RIMS2: variants seen among roughly 807,000 people sequenced by gnomAD.
The protein encoded by RIMS2 is regulating synaptic membrane exocytosis protein 2.
A neutral mutation model predicts 174.4 loss-of-function variants in RIMS2; 59 were observed. The ratio of observed to expected loss-of-function variants is 0.34; its 90% CI spans 0.27 to 0.42. The LOEUF (loss-of-function observed/expected upper bound fraction) is 0.42. RIMS2 is among the 10% of genes least tolerant of loss of function. The pLI is 1.00. For synonymous variants in RIMS2, 606 were observed against 572.5 expected (o/e 1.06, Z -0.84); for missense variants, 1,620 against 1,666.3 (o/e 0.97, Z 0.48).
At chr8:103,549,323 C>G (rs1021402934) in intron 1 of RIMS2, among the ~76,000 whole-genome samples, 1 of 152,162 alleles carries the variant, frequency 6.6e-6, no homozygotes, top group Non-Finnish European at 1.5e-5. Context: ...ATTCAACAAT[C>G]TTAAAGAAAA....
At chr8:103,603,362 G>T (rs2094862191) in intron 1 of RIMS2, among the ~76,000 whole-genome samples, 1 of 151,322 alleles carries the variant, frequency 6.6e-6, no homozygotes, top group African/African-American at 2.4e-5. Flanking sequence ...ATTCCATGGT[G>T]TATATGTGCC....
chr8:103,586,311 A>C (rs2093918319), intron 1 of RIMS2, among the ~76,000 whole-genome samples: 1 of 152,236 alleles, frequency 6.6e-6, no homozygotes, highest in African/African-American at 2.4e-5. Context: ...TTTCATCAGC[A>C]TATGGATCAT....
chr8:103,944,896 A>C (rs557480565), intron 14 of RIMS2, among the ~76,000 whole-genome samples: 5 of 152,200 alleles, frequency 3.3e-5, no homozygotes, highest in African/African-American at 1.2e-4. Flanking sequence ...ACATTTATGA[A>C]TAGATAGAAA....
At chr8:104,017,661 T>C (rs80156451) in intron 19 of RIMS2, among the ~76,000 whole-genome samples, 3,807 of 152,296 alleles carry the variant, frequency 0.025, 137 homozygotes, top group African/African-American at 0.084. Context: ...ATATTACAAA[T>C]ATTTTAAAAG....
At chr8:104,071,234 A>G (rs150012097) in intron 19 of RIMS2, among the ~76,000 whole-genome samples, 11 of 152,214 alleles carry the variant, frequency 7.2e-5, no homozygotes, top group Non-Finnish European at 1.2e-4. Context: ...AAAGTTTTAT[A>G]TCTTTGACAG....
Position 103,595,528 on chromosome 8 carries a change from C to T in RIMS2, c.176+94466C>T, listed in dbSNP as rs891958575. Among the ~76,000 whole-genome samples the T allele has an allele frequency of 2.6e-5, 4 of 151,866 alleles. No homozygotes were observed. In the East Asian group the frequency reaches 7.7e-4, roughly 29 times the overall value. ...GAGTTAAGATTTAGAAAAGGATAGA[C>T]TTACTCTCAAATCTATGAAGTAAGA... On this transcript the variant is annotated intron_variant, in intron 1 of 23. Transcript: ENST00000504942.
intron 2 of RIMS2, among the ~76,000 whole-genome samples, chr8:103,765,579 T>A (rs1309553498): frequency 6.6e-6 from 1 of 152,088 alleles, no homozygotes; most frequent in Non-Finnish European, 1.5e-5. Flanking sequence ...AATTAATTGG[T>A]TTTTTATAGA....
intron 4 of RIMS2, among the ~76,000 whole-genome samples, chr8:103,901,539 A>T (rs1394033858): frequency 6.6e-6 from 1 of 152,114 alleles, no homozygotes; most frequent in South Asian, 2.1e-4. Context: ...ATCTATATAC[A>T]TATTTAAATT....
At chr8:103,639,495 TTATC>T (rs141273409) in intron 1 of RIMS2, among the ~76,000 whole-genome samples, 1,667 of 152,022 alleles carry the variant, frequency 0.011, 45 homozygotes, top group African/African-American at 0.038. Context: ...TCTGTTTTCT[TTATC>T]TATAGTTTTG....
intron 19 of RIMS2, among the ~76,000 whole-genome samples, chr8:104,074,426 A>G (rs1189940601): frequency 2.6e-5 from 4 of 152,214 alleles, no homozygotes; most frequent in Non-Finnish European, 5.9e-5. Context: ...ATGCTCAATA[A>G]ATAATGCAGC....
At chr8:104,004,369 T>C (rs186948224) in intron 17 of RIMS2, among the ~76,000 whole-genome samples, 112 of 151,966 alleles carry the variant, frequency 7.4e-4, no homozygotes, top group African/African-American at 2.6e-3. Context: ...ATGAGAAAAG[T>C]GGAATGACGA....
intron 19 of RIMS2, among the ~76,000 whole-genome samples, chr8:104,147,250 C>T (rs1028962573): frequency 2.6e-5 from 4 of 152,064 alleles, no homozygotes; most frequent in African/African-American, 9.7e-5. Context: ...CTCTCTCCCT[C>T]GCACACACAC....
At chr8:103,633,841 G>A (rs942504180) in intron 1 of RIMS2, among the ~76,000 whole-genome samples, 1 of 152,298 alleles carries the variant, frequency 6.6e-6, no homozygotes, top group East Asian at 1.9e-4. Context: ...AGTAGTTTCT[G>A]ATGGTTGTTC....
chr8:103,825,251 G>A (rs1013835178), intron 3 of RIMS2, among the ~76,000 whole-genome samples: 8 of 151,626 alleles, frequency 5.3e-5, no homozygotes, highest in Non-Finnish European at 8.8e-5. Context: ...TTTTGATAAG[G>A]CATTTTACTC....
At chr8:103,562,497 G>C (rs2091750207) in intron 1 of RIMS2, among the ~76,000 whole-genome samples, 1 of 152,202 alleles carries the variant, frequency 6.6e-6, no homozygotes, top group Non-Finnish European at 1.5e-5. Flanking sequence ...GCTGATGCAA[G>C]AGGTGGGTTC....
intron 1 of RIMS2, among the ~76,000 whole-genome samples, chr8:103,632,459 C>T (rs896962865): frequency 5.9e-5 from 9 of 152,150 alleles, no homozygotes; most frequent in Admixed American, 5.2e-4. Context: ...CTTGCTCTTT[C>T]GCCCAGGATG....
intron 19 of RIMS2, among the ~76,000 whole-genome samples, chr8:104,059,864 G>A (rs2096946143): frequency 6.6e-6 from 1 of 152,110 alleles, no homozygotes; most frequent in Non-Finnish European, 1.5e-5. Context: ...TTATATGCTG[G>A]ATTACATTTA....
At chr8:103,814,514 G>A (rs368537258) in intron 3 of RIMS2, among the ~76,000 whole-genome samples, 1 of 152,084 alleles carries the variant, frequency 6.6e-6, no homozygotes, top group East Asian at 1.9e-4. Flanking sequence ...GGTTGCTCTT[G>A]TCATTTGGAT....
intron 3 of RIMS2, among the ~76,000 whole-genome samples, chr8:103,834,896 G>C (rs2098862173): frequency 6.6e-6 from 1 of 151,476 alleles, no homozygotes; most frequent in Admixed American, 6.6e-5. Context: ...TCAACCTCCT[G>C]AGTAGCTGGG....
Sources: gnomAD v4.1 joint callset for allele counts (sites outside exome capture counted in the v4.1 genomes callset) on GRCh38, gnomAD v4.1.1 for gene constraint, MANE v1.5 for transcripts, NCBI Gene and HGNC (gene_info 2026-07-23, HGNC 2026-07-21) for gene names.